The following BCORL1 variants were observed in gnomAD, a reference collection of about 807,000 sequenced individuals.
BCORL1 encodes the protein BCL-6 corepressor-like protein 1.
Under a neutral mutation model 87.6 loss-of-function variants are expected in BCORL1, and 7 were observed. The observed-to-expected ratio is 0.08, with a 90% CI of 0.05 to 0.15. The LOEUF is 0.15. Among genes scored for constraint, BCORL1 ranks in the 10% least tolerant of loss-of-function variants. BCORL1 has a pLI of 1.00. For missense variants in BCORL1, 1,215 were observed against 1,499.7 expected (o/e 0.81, Z 3.13); for synonymous variants, 591 against 634.4 (o/e 0.93, Z 1.03).
chrX:129,980,638 G>T (rs1313441258), upstream of BCORL1, among the ~76,000 whole-genome samples: 1 of 111,857 alleles, frequency 8.9e-6, no homozygotes, highest in East Asian at 2.9e-4. Context: ...CAGCACCCAG[G>T]CAAGGGCGGG....
chrX:130,039,949 A>G (rs148348435), intron 11 of BCORL1, among the ~76,000 whole-genome samples: 144 of 112,754 alleles, frequency 1.3e-3, no homozygotes, highest in African/African-American at 4.4e-3. Flanking sequence ...AGATAGCTCT[A>G]CTGAGTTGGG....
intron 1 of BCORL1, among the ~76,000 whole-genome samples, chrX:130,000,238 A>G (rs1313960794): frequency 9.1e-6 from 1 of 110,361 alleles, no homozygotes. Flanking sequence ...GGGTTTCGCC[A>G]TGTTGCCCAG....
At chrX:129,988,947 A>T (rs1219932312) in intron 1 of BCORL1, among the ~76,000 whole-genome samples, 1 of 111,434 alleles carries the variant, frequency 9.0e-6, no homozygotes, top group Non-Finnish European at 1.9e-5. Flanking sequence ...CCATGAGATG[A>T]TTATCTTCTG....
At chrX:130,038,449 C>T (rs1324560344) in intron 10 of BCORL1, among the ~76,000 whole-genome samples, 2 of 108,914 alleles carry the variant, frequency 1.8e-5, no homozygotes, top group Non-Finnish European at 3.8e-5. Context: ...GCCTTCAGTT[C>T]CCTGAACTGA....
intron 9 of BCORL1, among the ~76,000 whole-genome samples, chrX:130,036,721 C>G (rs1253768623): frequency 2.7e-5 from 3 of 112,630 alleles, no homozygotes; most frequent in African/African-American, 9.7e-5. Context: ...TCTCATTTCT[C>G]TGGTCTGGGG....
At chrX:129,996,776 C>G (rs915363724) in intron 1 of BCORL1, among the ~76,000 whole-genome samples, 3 of 110,616 alleles carry the variant, frequency 2.7e-5, no homozygotes, top group African/African-American at 9.9e-5. Flanking sequence ...TGCACCATCA[C>G]ACCCAGCTAT....
At chrX:130,049,219 C>T (rs973232967) in intron 11 of BCORL1, among the ~76,000 whole-genome samples, 2 of 112,208 alleles carry the variant, frequency 1.8e-5, no homozygotes, top group Non-Finnish European at 3.8e-5. Context: ...TGAGGAACGA[C>T]CAAACTTTTC....
At chrX:130,051,147 C>T (rs1171067180) in intron 12 of BCORL1, among the ~76,000 whole-genome samples, 1 of 112,197 alleles carries the variant, frequency 8.9e-6, no homozygotes. Context: ...AGGGACCCCA[C>T]CCCTCACCTG....
chrX:130,005,083 C>T (rs1449763271), intron 1 of BCORL1, 105 bp from the exon 2 acceptor site: 19 of 479,965 alleles, frequency 4.0e-5, no homozygotes, highest in Middle Eastern at 3.7e-4. Context: ...GCTGCTTTAA[C>T]ATTCTGATGC....
In BCORL1 at chrX:130,043,776, A is replaced by AT. The variant is rs1325474260; in HGVS notation, c.4840+4495dup. ...TATATATATATATATATATATATATATATATATATTTTTTTTTTTTTTTTT... is the reference window on the plus strand; with the variant it reads ...TATATATATATATATATATATATATATTATATATATTTTTTTTTTTTTTTTT... On this transcript the variant is annotated intron_variant, in intron 11 of 13. Transcript: ENST00000540052. Among the ~76,000 whole-genome samples, 31 of 21,428 alleles carry AT rather than the reference A, an allele frequency of 1.4e-3. 1 individual carries two copies. Among genetic ancestry groups the AT allele is most frequent in the African/African-American group, 0.011 (30 of 2,766 alleles). 18.6% of individuals were successfully genotyped at this position (21,428 alleles called of 115,157 possible). A position where few individuals can be genotyped will look rare whatever the true frequency, so the allele number is the denominator to read the frequency against.
intron 4 of BCORL1, among the ~76,000 whole-genome samples, chrX:130,017,014 A>G (rs190501140): frequency 8.9e-6 from 1 of 112,101 alleles, no homozygotes. Flanking sequence ...GCAAGCTTTC[A>G]AGTTGGATGT....
At chrX:130,030,476 C>T (rs1044602513) in intron 8 of BCORL1, among the ~76,000 whole-genome samples, 1 of 111,179 alleles carries the variant, frequency 9.0e-6, no homozygotes, top group Non-Finnish European at 1.9e-5. Flanking sequence ...GGGACTTGTG[C>T]GAGGTTATTG....
intron 1 of BCORL1, among the ~76,000 whole-genome samples, chrX:129,998,706 G>A (rs763167070): frequency 5.4e-5 from 6 of 111,652 alleles, no homozygotes; most frequent in South Asian, 3.8e-4. Context: ...CTCTAGGGCC[G>A]CTTTAGAGGT....
At chrX:129,983,431 G>C (rs946798095) in intron 1 of BCORL1, among the ~76,000 whole-genome samples, 4 of 99,798 alleles carry the variant, frequency 4.0e-5, no homozygotes, top group South Asian at 5.4e-4. Flanking sequence ...TTTTTTGGGG[G>C]GGGGGGGTGT....
At chrX:129,998,874 A>G (rs1427458917) in intron 1 of BCORL1, among the ~76,000 whole-genome samples, 1 of 111,496 alleles carries the variant, frequency 9.0e-6, no homozygotes, top group Non-Finnish European at 1.9e-5. Context: ...GGCTTCAGAT[A>G]GGAAGTGGCG....
intron 4 of BCORL1, among the ~76,000 whole-genome samples, chrX:130,018,468 G>A (rs1339815127): frequency 8.9e-6 from 1 of 112,545 alleles, no homozygotes; most frequent in African/African-American, 3.2e-5. Flanking sequence ...TGCATGGTAT[G>A]TCTTAATAAA....
At chrX:130,012,541 C>A in intron 2 of BCORL1, 37 bp from the exon 3 acceptor site, 1 of 1,135,925 alleles carries the variant, frequency 8.8e-7, no homozygotes, top group Non-Finnish European at 1.2e-6. Flanking sequence ...AAATCCTGGG[C>A]CTCATGTCCC....
Position 130,011,935 on chromosome X carries a change from A to G in BCORL1, c.87-643A>G, listed in dbSNP as rs1334966707. Among the ~76,000 whole-genome samples, 3 of 111,238 alleles carry G rather than the reference A, an allele frequency of 2.7e-5. No individual in the cohort carries two copies. In the East Asian group the frequency reaches 8.5e-4, roughly 32 times the overall value. Reference sequence around the variant, plus strand: ...CAGTGTCTCCTGGAGGGAAAAAAGTAGTATTCTTAAAATGCCTCTCAGCAC... The same window carrying G: ...CAGTGTCTCCTGGAGGGAAAAAAGTGGTATTCTTAAAATGCCTCTCAGCAC... On this transcript the variant is annotated intron_variant, in intron 2 of 13. Coordinates refer to ENST00000540052, the MANE Select transcript of BCORL1 (RefSeq NM_001379451.1).
chrX:130,043,770 A>AT (rs1931521414), intron 11 of BCORL1, among the ~76,000 whole-genome samples: 1 of 18,965 alleles, frequency 5.3e-5, no homozygotes, highest in African/African-American at 4.0e-4. Context: ...ATATATATAT[A>AT]TATATATATA....
Sources: allele counts gnomAD v4.1 joint callset (sites outside exome capture counted in the v4.1 genomes callset), GRCh38; gene constraint gnomAD v4.1.1; transcripts MANE v1.5; gene names NCBI Gene and HGNC (gene_info 2026-07-23, HGNC 2026-07-21).